The following NEK7 variants were observed in gnomAD, a reference collection of about 807,000 sequenced individuals.
NEK7 encodes serine/threonine-protein kinase Nek7.
Under a neutral mutation model 44.6 loss-of-function variants are expected in NEK7, and 18 were observed. That is an observed-to-expected ratio of 0.40 (90% CI 0.28 to 0.60). The LOEUF (loss-of-function observed/expected upper bound fraction) is 0.60. Among genes scored for constraint, NEK7 ranks in the 20% least tolerant of loss-of-function variants. The pLI is 0.38. For missense variants in NEK7, 256 were observed against 366.5 expected, an observed-to-expected ratio of 0.70 and a Z score of 2.46; for synonymous variants, 130 against 121.1, an observed-to-expected ratio of 1.07 and a Z score of -0.48.
chr1:198,272,529 A>G (rs1653886034), intron 5 of NEK7, among the ~76,000 whole-genome samples: 2 of 151,878 alleles, frequency 1.3e-5, no homozygotes, highest in South Asian at 2.1e-4. Flanking sequence ...GTTGTCTAGT[A>G]TAACATAGCA....
intron 1 of NEK7, among the ~76,000 whole-genome samples, chr1:198,179,314 A>T (rs1664691132): frequency 6.6e-6 from 1 of 152,010 alleles, no homozygotes; most frequent in South Asian, 2.1e-4. Context: ...GTGTGTGTAA[A>T]ACATTTTTTA....
At chr1:198,223,706 G>A (rs990848197) in intron 1 of NEK7, among the ~76,000 whole-genome samples, 10 of 152,114 alleles carry the variant, frequency 6.6e-5, no homozygotes, top group Non-Finnish European at 1.5e-4. Flanking sequence ...AATGATATTT[G>A]AACTTTTAAA....
At chr1:198,189,915 A>G (rs1187116570) in intron 1 of NEK7, among the ~76,000 whole-genome samples, 2 of 152,250 alleles carry the variant, frequency 1.3e-5, no homozygotes, top group East Asian at 3.9e-4. Context: ...GGTTTCAATG[A>G]TATTTTTAAA....
At chr1:198,298,821 A>T (rs1178065989) in intron 9 of NEK7, among the ~76,000 whole-genome samples, 1 of 152,238 alleles carries the variant, frequency 6.6e-6, no homozygotes, top group Non-Finnish European at 1.5e-5. Context: ...GGAGATGCCG[A>T]GTGCAGCAGT....
At chr1:198,163,179 C>G (rs1017480162) in intron 1 of NEK7, among the ~76,000 whole-genome samples, 7 of 152,114 alleles carry the variant, frequency 4.6e-5, no homozygotes, top group Admixed American at 3.9e-4. Context: ...GCCTTTATAT[C>G]TAACTGCTGG....
At chr1:198,211,917 C>A (rs924476723) in intron 1 of NEK7, among the ~76,000 whole-genome samples, 3 of 152,214 alleles carry the variant, frequency 2.0e-5, no homozygotes, top group African/African-American at 7.2e-5. Flanking sequence ...AAACTGTCTT[C>A]AGACGGTGAC....
At chr1:198,266,321 C>T (rs929356455) in intron 5 of NEK7, among the ~76,000 whole-genome samples, 1 of 151,994 alleles carries the variant, frequency 6.6e-6, no homozygotes, top group Admixed American at 6.6e-5. Flanking sequence ...TAGCTATTGC[C>T]AAATTAGTCC....
chr1:198,284,624 C>G (rs949045447), intron 7 of NEK7, among the ~76,000 whole-genome samples: 2 of 152,040 alleles, frequency 1.3e-5, no homozygotes, highest in African/African-American at 4.8e-5. Context: ...TCGTAAGAGG[C>G]AAAATGTACT....
At chr1:198,203,288 A>G (rs1191631065) in intron 1 of NEK7, among the ~76,000 whole-genome samples, 1 of 152,220 alleles carries the variant, frequency 6.6e-6, no homozygotes, top group South Asian at 2.1e-4. Flanking sequence ...AGTTCCACTG[A>G]AGATTTTTTT....
intron 1 of NEK7, among the ~76,000 whole-genome samples, chr1:198,194,673 T>C (rs1163403889): frequency 6.6e-6 from 1 of 152,228 alleles, no homozygotes; most frequent in Non-Finnish European, 1.5e-5. Context: ...CTGCATGGTA[T>C]TCCATGATGT....
Position 198,253,045 on chromosome 1 carries a change from CT to C in NEK7, c.65del (p.Leu22TyrfsTer10). ...PVPQFQPQKA[L>X]RPDMGYNTLA... ...TCTGACATTTTTAATTACAGAAGGC[CT>C]TACGACCGGATATGGGCTATAATAC... On this transcript the variant is annotated frameshift_variant, in exon 3 of 10. Transcript: ENST00000367385. LOFTEE classifies it high-confidence loss of function. The C allele has an allele frequency of 1.9e-6, 3 of 1,604,482 alleles. No individual in the cohort carries two copies. The highest frequency in any genetic ancestry group is 2.6e-6 in the Non-Finnish European group (3 of 1,175,622).
At chr1:198,277,888 G>A (rs1485681069) in intron 5 of NEK7, 73 bp from the exon 6 acceptor site, 5 of 796,010 alleles carry the variant, frequency 6.3e-6, no homozygotes, top group African/African-American at 1.8e-5. Context: ...TCTGACTTAC[G>A]GATTTTTGCT....
intron 1 of NEK7, among the ~76,000 whole-genome samples, chr1:198,199,844 A>G (rs1173119254): frequency 6.6e-6 from 1 of 152,146 alleles, no homozygotes; most frequent in Non-Finnish European, 1.5e-5. Context: ...CTTACAAGCA[A>G]CTTAGAATTA....
At chr1:198,181,546 C>G (rs1664767562) in intron 1 of NEK7, among the ~76,000 whole-genome samples, 1 of 152,104 alleles carries the variant, frequency 6.6e-6, no homozygotes, top group Admixed American at 6.6e-5. Flanking sequence ...ATTGATTACA[C>G]ATTACACAGA....
intron 5 of NEK7, among the ~76,000 whole-genome samples, chr1:198,271,811 T>C (rs1010876751): frequency 6.0e-5 from 9 of 151,244 alleles, no homozygotes; most frequent in Non-Finnish European, 1.3e-4. Flanking sequence ...TTTAGAATTA[T>C]TCTGAAGTCC....
chr1:198,179,614 G>A (rs1185223526), intron 1 of NEK7, among the ~76,000 whole-genome samples: 4 of 152,134 alleles, frequency 2.6e-5, no homozygotes, highest in Admixed American at 2.0e-4. Flanking sequence ...CTGAGGCTGG[G>A]ACAGACTCTC....
intron 1 of NEK7, among the ~76,000 whole-genome samples, chr1:198,215,963 C>CT (rs1378254031): frequency 6.6e-6 from 1 of 152,070 alleles, no homozygotes; most frequent in Admixed American, 6.5e-5. Context: ...GTAGTTGTGA[C>CT]TTTAACACTC....
chr1:198,252,180 C>G (rs1350991911), intron 2 of NEK7, among the ~76,000 whole-genome samples: 1 of 151,924 alleles, frequency 6.6e-6, no homozygotes, highest in African/African-American at 2.4e-5. Flanking sequence ...CACAGTTGAG[C>G]GGTTTTGAGT....
At chr1:198,251,447 A>C (rs1652977240) in intron 2 of NEK7, among the ~76,000 whole-genome samples, 1 of 140,276 alleles carries the variant, frequency 7.1e-6, no homozygotes, top group African/African-American at 2.8e-5. Context: ...TTTCAGAAGG[A>C]ATGGTACCAG....
Sources: allele counts gnomAD v4.1 joint callset (sites outside exome capture counted in the v4.1 genomes callset), GRCh38; gene constraint gnomAD v4.1.1; transcripts MANE v1.5; gene names NCBI Gene and HGNC (gene_info 2026-07-23, HGNC 2026-07-21).